The following SLC39A11 variants were observed in gnomAD, a reference collection of about 807,000 sequenced individuals.
The protein encoded by SLC39A11 is zinc transporter ZIP11.
In SLC39A11, 33 loss-of-function variants were observed where a neutral mutation model predicts 36.1. That is an observed-to-expected ratio of 0.91 (90% CI 0.69 to 1.22). The LOEUF (loss-of-function observed/expected upper bound fraction) is 1.22, where lower values mean the gene tolerates loss of function less well. SLC39A11 is among the 50% of genes most tolerant of loss of function. The pLI is 0.00. For missense variants in SLC39A11, 432 were observed against 430.3 expected, an observed-to-expected ratio of 1.00 and a Z score of -0.03; for synonymous variants, 166 against 170.3, an observed-to-expected ratio of 0.97 and a Z score of 0.20.
At chr17:72,775,430 C>A (rs2076099262) in intron 6 of SLC39A11, among the ~76,000 whole-genome samples, 1 of 152,160 alleles carries the variant, frequency 6.6e-6, no homozygotes, top group Admixed American at 6.5e-5. Context: ...AGCACTGCCT[C>A]CTGGAGGCAC....
chr17:72,988,286 C>T (rs139840973), intron 4 of SLC39A11, among the ~76,000 whole-genome samples: 6 of 152,194 alleles, frequency 3.9e-5, no homozygotes, highest in Non-Finnish European at 8.8e-5. Context: ...AATCCCGTCT[C>T]TGCTAAAAAC....
chr17:72,762,627 T>C (rs1401969321), intron 6 of SLC39A11, among the ~76,000 whole-genome samples: 1 of 152,242 alleles, frequency 6.6e-6, no homozygotes, highest in East Asian at 1.9e-4. Context: ...TTGCTTTCAC[T>C]TGACTCTGTG....
At chr17:72,918,104 C>A (rs2083435251) in intron 5 of SLC39A11, among the ~76,000 whole-genome samples, 1 of 152,212 alleles carries the variant, frequency 6.6e-6, no homozygotes, top group Admixed American at 6.5e-5. Flanking sequence ...TTGTCCTTAC[C>A]TGTAATGTAA....
At position 72,808,084 on chromosome 17, in the gene SLC39A11, A is replaced by G. The variant is rs190722150; in HGVS notation, c.601+41550T>C. On this transcript the variant is annotated intron_variant, in intron 6 of 9. Transcript: ENST00000255559. ...AATACCCACATCTTTGCTGGCCATA[A>G]GTTCTGTGTGTGAGTGTTGGGAAAA... 2.2e-3 allele frequency among the ~76,000 whole-genome samples: 334 copies of G among 152,250 alleles called. 2 individuals are homozygous for G. Among genetic ancestry groups the G allele is most frequent in the African/African-American group, 7.5e-3 (310 of 41,548 alleles).
chr17:72,965,127 T>C (rs1335839528), intron 4 of SLC39A11, among the ~76,000 whole-genome samples: 4 of 152,040 alleles, frequency 2.6e-5, no homozygotes, highest in African/African-American at 2.4e-5. Context: ...AGGGAAAGCA[T>C]TAGGAGATAT....
intron 7 of SLC39A11, among the ~76,000 whole-genome samples, chr17:72,688,878 A>G (rs1249223083): frequency 6.6e-6 from 1 of 152,066 alleles, no homozygotes; most frequent in Non-Finnish European, 1.5e-5. Context: ...GGCTGCAGCT[A>G]CTCTAGCTCT....
chr17:72,989,874 A>G (rs1205539452), intron 4 of SLC39A11, among the ~76,000 whole-genome samples: 1 of 152,230 alleles, frequency 6.6e-6, no homozygotes, highest in Non-Finnish European at 1.5e-5. Context: ...ACTGTCACCT[A>G]GGATAAAATG....
At chr17:72,814,731 T>A (rs1297686939) in intron 6 of SLC39A11, among the ~76,000 whole-genome samples, 1 of 152,030 alleles carries the variant, frequency 6.6e-6, no homozygotes, top group Non-Finnish European at 1.5e-5. Flanking sequence ...GCAGAGAGGA[T>A]CACCTGGGGC....
chr17:72,741,940 G>A (rs893960494), intron 6 of SLC39A11, among the ~76,000 whole-genome samples: 4 of 152,228 alleles, frequency 2.6e-5, no homozygotes, highest in Non-Finnish European at 4.4e-5. Context: ...TGGCTCCCGC[G>A]CCTGTAATCC....
chr17:72,952,311 G>A (rs1313033302), intron 4 of SLC39A11, among the ~76,000 whole-genome samples: 1 of 152,232 alleles, frequency 6.6e-6, no homozygotes, highest in African/African-American at 2.4e-5. Context: ...TGATAGGGAA[G>A]AGGAATACAT....
intron 3 of SLC39A11, among the ~76,000 whole-genome samples, chr17:73,050,461 A>ATTTTTTTTTTTTT (rs1183947403): frequency 2.2e-5 from 3 of 133,534 alleles, no homozygotes; most frequent in African/African-American, 9.0e-5. Flanking sequence ...ATGTGAACTG[A>ATTTTTTTTTTTTT]CTTTTTTTTT....
chr17:72,960,895 T>C (rs2086568732), intron 4 of SLC39A11, among the ~76,000 whole-genome samples: 1 of 152,174 alleles, frequency 6.6e-6, no homozygotes, highest in Non-Finnish European at 1.5e-5. Context: ...CCAGCGCTTC[T>C]ATTACCAATC....
intron 6 of SLC39A11, among the ~76,000 whole-genome samples, chr17:72,755,318 A>G (rs1376934521): frequency 1.3e-5 from 2 of 152,270 alleles, no homozygotes; most frequent in Admixed American, 6.5e-5. Context: ...CAACGAAATC[A>G]GGAGGCGAAG....
intron 6 of SLC39A11, among the ~76,000 whole-genome samples, chr17:72,737,507 T>C (rs1461333527): frequency 6.6e-6 from 1 of 152,152 alleles, no homozygotes; most frequent in African/African-American, 2.4e-5. Flanking sequence ...GCTTTATTTA[T>C]TAGCTCATGC....
At chr17:72,739,837 CG>C (rs2074597544) in intron 6 of SLC39A11, among the ~76,000 whole-genome samples, 1 of 152,050 alleles carries the variant, frequency 6.6e-6, no homozygotes, top group Admixed American at 6.5e-5. Context: ...GGATTAGGGG[CG>C]CCAATCCCTT....
In SLC39A11 at chr17:73,031,698, G is replaced by C; in HGVS notation, c.164C>G (p.Ser55Cys). The change falls in exon 4 of 10, where the codon TCC becomes TGC. Residue 55 changes from serine to cysteine, a missense_variant. By Grantham distance (112) the Ser-to-Cys change is moderately radical. Transcript: ENST00000255559. ...TGCTGGGGCCAGAAGAGACCAATAG[G>C]AAGCTGCCAACATGACCTACAAAAA... is the stretch of plus-strand genomic sequence containing the variant. ...GFAAGVMLAASYWSLLAPAVE... is the reference protein window; with the variant it reads ...GFAAGVMLAACYWSLLAPAVE... 2 of 1,613,786 alleles carry C rather than the reference G, an allele frequency of 1.2e-6. No homozygotes were observed. The highest frequency in any genetic ancestry group is 1.7e-6 in the Non-Finnish European group (2 of 1,179,982).
intron 4 of SLC39A11, among the ~76,000 whole-genome samples, chr17:73,026,187 G>GATAGAAGAGA (rs1555683083): frequency 5.6e-4 from 2 of 3,590 alleles, no homozygotes; most frequent in Non-Finnish European, 2.4e-3. Context: ...AGAAAGAGAA[G>GATAGAAGAGA]AGAGAAGAGA....
At chr17:72,669,427 T>C (rs1284661461) in intron 7 of SLC39A11, among the ~76,000 whole-genome samples, 1 of 152,200 alleles carries the variant, frequency 6.6e-6, no homozygotes, top group African/African-American at 2.4e-5. Flanking sequence ...TTCATGACTT[T>C]GAAGAGTGCT....
At chr17:72,726,750 G>A (rs558528654) in intron 7 of SLC39A11, among the ~76,000 whole-genome samples, 1 of 152,288 alleles carries the variant, frequency 6.6e-6, no homozygotes, top group East Asian at 1.9e-4. Flanking sequence ...ACATATATAT[G>A]TATAAGCCAG....
Sources: allele counts gnomAD v4.1 joint callset (sites outside exome capture counted in the v4.1 genomes callset), GRCh38; gene constraint gnomAD v4.1.1; transcripts MANE v1.5; gene names NCBI Gene and HGNC (gene_info 2026-07-23, HGNC 2026-07-21).